PTPRN2: variants seen among roughly 807,000 people sequenced by gnomAD.
The protein encoded by PTPRN2 is protein tyrosine phosphatase receptor type N2, also known as receptor-type tyrosine-protein phosphatase N2.
PTPRN2 carries 74 observed loss-of-function variants against 118.8 expected under a neutral mutation model. The observed-to-expected ratio is 0.62, with a 90% confidence interval of 0.52 to 0.76. PTPRN2 has a LOEUF of 0.76. Ranked by LOEUF, PTPRN2 falls within the 30% of genes least tolerant of loss-of-function variation. The probability of loss-of-function intolerance (pLI) is 0.00; values close to 1 mark genes in which losing one functional copy is unlikely to be tolerated. For synonymous variants in PTPRN2, 641 were observed against 608.0 expected, an observed-to-expected ratio of 1.05 and a Z score of -0.80; for missense variants, 1,481 against 1,394.4, an observed-to-expected ratio of 1.06 and a Z score of -0.99.
intron 3 of PTPRN2, among the ~76,000 whole-genome samples, chr7:158,244,304 C>T (rs1021811138): frequency 4.6e-5 from 7 of 152,146 alleles, no homozygotes; most frequent in Admixed American, 6.5e-5. Context: ...AAGTTGGAAA[C>T]GCAAATTAAA....
chr7:158,486,400 G>A (rs5016022), intron 2 of PTPRN2, among the ~76,000 whole-genome samples: 29,186 of 152,220 alleles, frequency 0.19, 3,311 homozygotes, highest in East Asian at 0.41. Context: ...GTGTTTGGAT[G>A]TGTCCCATTT....
At chr7:158,142,600 G>A (rs1183567322) in intron 6 of PTPRN2, among the ~76,000 whole-genome samples, 1 of 152,148 alleles carries the variant, frequency 6.6e-6, no homozygotes, top group Non-Finnish European at 1.5e-5. Flanking sequence ...CCTTGGAGGG[G>A]AGGGCCAGCC....
chr7:158,488,014 G>T (rs1254922186), intron 2 of PTPRN2, among the ~76,000 whole-genome samples: 1 of 152,198 alleles, frequency 6.6e-6, no homozygotes, highest in African/African-American at 2.4e-5. Flanking sequence ...GCAAGTCAAG[G>T]TTGAGGAGAA....
At chr7:158,280,368 G>A (rs1363920868) in intron 3 of PTPRN2, among the ~76,000 whole-genome samples, 2 of 152,194 alleles carry the variant, frequency 1.3e-5, no homozygotes, top group South Asian at 2.1e-4. Flanking sequence ...CGGTAAGGAC[G>A]CTGGCTTTGG....
chr7:158,202,449 C>G (rs956974515), intron 4 of PTPRN2, among the ~76,000 whole-genome samples: 8 of 152,110 alleles, frequency 5.3e-5, no homozygotes, highest in Non-Finnish European at 1.5e-5. Flanking sequence ...TGTCCCCAGG[C>G]AGTCATGTCT....
At chr7:158,215,891 G>A (rs1249744468) in intron 3 of PTPRN2, among the ~76,000 whole-genome samples, 1 of 152,102 alleles carries the variant, frequency 6.6e-6, no homozygotes, top group Non-Finnish European at 1.5e-5. Flanking sequence ...TCTCCATATA[G>A]AAGAGAAATA....
At chr7:157,827,540 C>T (rs529132381) in intron 12 of PTPRN2, among the ~76,000 whole-genome samples, 3 of 152,228 alleles carry the variant, frequency 2.0e-5, no homozygotes, top group Admixed American at 6.5e-5. Flanking sequence ...TGAGGCGTGA[C>T]GTCCTCCATT....
chr7:157,952,419 CGG>C (rs1156966353), intron 11 of PTPRN2, among the ~76,000 whole-genome samples: 14 of 11,454 alleles, frequency 1.2e-3, no homozygotes, highest in Admixed American at 4.4e-3. Flanking sequence ...GTGGGGGACA[CGG>C]GGGGAGACAG....
At position 157,787,233 on chromosome 7, in the gene PTPRN2, T is replaced by C. The variant is rs1448226950; in HGVS notation, c.1789-104296A>G. 6.6e-6 allele frequency among the ~76,000 whole-genome samples: 1 copy of C among 152,036 alleles called. No homozygotes were observed. The highest frequency in any genetic ancestry group is 1.5e-5 in the Non-Finnish European group (1 of 67,976). ...GCAATTCGTGGGAAACCCACTTGGA[T>C]GCCACTTATGACCCCCGCGTGCCAG... On this transcript the variant is annotated intron_variant, in intron 12 of 22. Transcript: ENST00000389418. This position sits in a 1 kb window ranked among gnomAD's most constrained non-coding sequence, Gnocchi z 5.3.
intron 5 of PTPRN2, among the ~76,000 whole-genome samples, chr7:158,171,335 A>ATG (rs1823675442): frequency 1.5e-5 from 2 of 133,250 alleles, no homozygotes; most frequent in Middle Eastern, 3.4e-3. Context: ...ATATATATAT[A>ATG]TATATATATA....
chr7:157,582,434 A>T (rs1225758100), intron 17 of PTPRN2, among the ~76,000 whole-genome samples: 2 of 152,206 alleles, frequency 1.3e-5, no homozygotes, highest in Non-Finnish European at 2.9e-5. Flanking sequence ...GGAAATGCAA[A>T]TCAAAACCAC....
rs995095724 is a variant in PTPRN2, at chr7:157,619,684, G to A, written c.2344+1678C>T. On this transcript the variant is annotated intron_variant, in intron 15 of 22. Coordinates refer to ENST00000389418, the MANE Select transcript of PTPRN2 (RefSeq NM_002847.5). This position sits in a 1 kb window ranked among gnomAD's most constrained non-coding sequence, Gnocchi z 5.3. ...GGTAGCAAGAAGCGTGCACCCAGCT[G>A]GGTGAATGGGATTTTACACAGGTCT... Among the ~76,000 whole-genome samples, 3 of 152,222 alleles carry A rather than the reference G, an allele frequency of 2.0e-5. No individual in the cohort carries two copies. Among genetic ancestry groups the A allele is most frequent in the Non-Finnish European group, 4.4e-5 (3 of 68,030 alleles).
At position 158,343,533 on chromosome 7, in the gene PTPRN2, G is replaced by A. The variant is rs116194370; in HGVS notation, c.164-26601C>T. On this transcript the variant is annotated intron_variant, in intron 2 of 22. Transcript: ENST00000389418. ...TCAATGTGGAAGTAGCAGATGATCC[G>A]ACAGCCCCATTTGATTTTACACCCA... Among the ~76,000 whole-genome samples the A allele has an allele frequency of 1.6e-3, 237 of 152,328 alleles. 1 individual carries two copies. Among genetic ancestry groups the A allele is most frequent in the African/African-American group, 5.3e-3 (222 of 41,564 alleles).
intron 12 of PTPRN2, among the ~76,000 whole-genome samples, chr7:157,727,801 C>T (rs1369999931): frequency 6.6e-6 from 1 of 152,208 alleles, no homozygotes; most frequent in African/African-American, 2.4e-5. Context: ...TGAGCCCAGA[C>T]CCCCGCGACC....
intron 11 of PTPRN2, among the ~76,000 whole-genome samples, chr7:157,948,387 A>G (rs1183644805): frequency 6.6e-6 from 1 of 152,244 alleles, no homozygotes; most frequent in African/African-American, 2.4e-5. Flanking sequence ...CTACATTGTG[A>G]TAAATGTGGG....
chr7:157,911,438 A>G (rs982421411), intron 11 of PTPRN2, among the ~76,000 whole-genome samples: 1 of 152,200 alleles, frequency 6.6e-6, no homozygotes, highest in Non-Finnish European at 1.5e-5. Flanking sequence ...GTGTTTTATT[A>G]AACATGTATA....
chr7:158,463,805 A>G (rs113773659), intron 2 of PTPRN2, among the ~76,000 whole-genome samples: 2 of 139,020 alleles, frequency 1.4e-5, no homozygotes, highest in South Asian at 2.4e-4. Context: ...CATTTAATAA[A>G]TAATCCTTCA....
In PTPRN2 at chr7:158,555,911, G is replaced by A. The variant is rs140830067; in HGVS notation, c.112+31647C>T. On this transcript the variant is annotated intron_variant, in intron 1 of 22. Transcript: ENST00000389418. The surrounding 1 kb of genome is among the most constrained non-coding windows in gnomAD (Gnocchi z 4.7). ...TCACAACATGGCACACACAACACACGTCCCAAAATAAATCTTCACTAGGTA... is the reference window on the plus strand; with the variant it reads ...TCACAACATGGCACACACAACACACATCCCAAAATAAATCTTCACTAGGTA... 1.2e-4 allele frequency among the ~76,000 whole-genome samples: 18 copies of A among 152,206 alleles called. No individual in the cohort carries two copies. In the East Asian group the frequency reaches 3.5e-3, roughly 30 times the overall value.
chr7:158,560,918 G>A (rs1209395462), intron 1 of PTPRN2, among the ~76,000 whole-genome samples: 1 of 152,228 alleles, frequency 6.6e-6, no homozygotes, highest in Non-Finnish European at 1.5e-5. Context: ...TTGTCCATAT[G>A]TTGTTCCTTC....
Sources: allele counts gnomAD v4.1 joint callset (sites outside exome capture counted in the v4.1 genomes callset), GRCh38; gene constraint gnomAD v4.1.1; non-coding constraint Gnocchi (gnomAD v3.1); transcripts MANE v1.5; gene names NCBI Gene and HGNC (gene_info 2026-07-23, HGNC 2026-07-21).